The following NEDD4 variants were observed in gnomAD, a reference collection of about 807,000 sequenced individuals.
NEDD4 encodes E3 ubiquitin-protein ligase NEDD4.
NEDD4 carries 99 observed loss-of-function variants against 144.9 expected under a neutral mutation model. The observed-to-expected ratio is 0.68, with a 90% CI of 0.58 to 0.81. The LOEUF is 0.81. Ranked by LOEUF, NEDD4 falls within the 30% of genes least tolerant of loss-of-function variation. NEDD4 has a pLI of 0.00. For missense variants in NEDD4, 985 were observed against 1,065.9 expected, an observed-to-expected ratio of 0.92 and a Z score of 1.06; for synonymous variants, 318 against 350.6, an observed-to-expected ratio of 0.91 and a Z score of 1.04.
intron 4 of NEDD4, among the ~76,000 whole-genome samples, chr15:55,932,654 C>A (rs1439540168): frequency 4.6e-5 from 7 of 151,902 alleles, no homozygotes; most frequent in Non-Finnish European, 8.8e-5. Flanking sequence ...GCAACAAAAG[C>A]CAAAATTGAC....
intron 10 of NEDD4, 29 bp from the exon 11 acceptor site, chr15:55,860,603 C>T (rs749411472): frequency 1.9e-6 from 3 of 1,613,748 alleles, no homozygotes; most frequent in Non-Finnish European, 2.5e-6. Context: ...GCTTGAGCCA[C>T]ACATACTTTA....
At position 55,838,434 on chromosome 15, in the gene NEDD4, T is replaced by C; in HGVS notation, c.2127+75A>G. On this transcript the variant is annotated intron_variant, in intron 22 of 28. Transcript: ENST00000435532. ...TGTAAAAACAGAGCCTAGGAATGTA[T>C]TAAGTGTACGTATTAACATCTAAAC... 7 of 1,006,950 alleles carry C rather than the reference T, an allele frequency of 7.0e-6. No individual in the cohort carries two copies. In the East Asian group the frequency reaches 1.2e-4, roughly 17 times the overall value. The allele number at this position is 1,006,950 out of a possible 1,614,324, so 62.4% of individuals were successfully genotyped here.
chr15:55,902,489 A>G (rs1175832353), intron 5 of NEDD4, among the ~76,000 whole-genome samples: 3 of 152,168 alleles, frequency 2.0e-5, no homozygotes, highest in Non-Finnish European at 4.4e-5. Context: ...TATTTTTTAA[A>G]AAAGATTCTA....
chr15:55,848,301 C>T (rs567518485), intron 17 of NEDD4, 71 bp downstream of exon 17: 172 of 1,452,258 alleles, frequency 1.2e-4, no homozygotes, highest in South Asian at 1.8e-4. Flanking sequence ...GGGTTATGCC[C>T]GTGACTATCT....
chr15:55,977,024 C>T (rs2037713651), intron 1 of NEDD4, among the ~76,000 whole-genome samples: 1 of 152,174 alleles, frequency 6.6e-6, no homozygotes, highest in Non-Finnish European at 1.5e-5. Flanking sequence ...AATGATTCCA[C>T]TGGCAAGCAG....
intron 5 of NEDD4, chr15:55,917,115 C>A: frequency 8.7e-7 from 1 of 1,155,834 alleles, no homozygotes. Flanking sequence ...GACCTTTAAG[C>A]TGAGCTCAGC....
intron 1 of NEDD4, among the ~76,000 whole-genome samples, chr15:55,980,967 T>C (rs1243742077): frequency 6.6e-6 from 1 of 151,790 alleles, no homozygotes; most frequent in Non-Finnish European, 1.5e-5. Context: ...TAATACTGTA[T>C]TTATATAGGG....
At chr15:55,973,528 C>T (rs755612509) in intron 1 of NEDD4, among the ~76,000 whole-genome samples, 10 of 151,948 alleles carry the variant, frequency 6.6e-5, no homozygotes, top group Non-Finnish European at 1.2e-4. Context: ...AACAGAGTAG[C>T]CCTGTCTTGA....
intron 2 of NEDD4, among the ~76,000 whole-genome samples, chr15:55,955,153 C>T (rs769933397): frequency 1.7e-4 from 26 of 152,014 alleles, no homozygotes; most frequent in African/African-American, 3.1e-4. Flanking sequence ...TCCCAAGTAG[C>T]GGGGACTACA....
chr15:55,978,650 C>T (rs1447455600), intron 1 of NEDD4, among the ~76,000 whole-genome samples: 4 of 152,120 alleles, frequency 2.6e-5, no homozygotes, highest in African/African-American at 9.7e-5. Context: ...TTATACCAGA[C>T]CAGGGCTCTT....
At position 55,993,541 on chromosome 15, in the gene NEDD4, C is replaced by T. The variant is rs1263686369; in HGVS notation, c.15G>A (p.Ala5=). The T allele has an allele frequency of 1.3e-6, 2 of 1,596,862 alleles. No individual in the cohort carries two copies. The highest frequency in any genetic ancestry group is 1.7e-6 in the Non-Finnish European group (2 of 1,173,876). MATC[A]VEVFGLLEDE... ...CCTCCAGGAGCCCGAACACCTCCAC[C>T]GCGCAAGTTGCCATTTCCGAACGCT... The change falls in exon 1 of 29, where the codon GCG becomes GCA. Residue 5 remains alanine (A), a synonymous_variant. Coordinates refer to ENST00000435532, the MANE Select transcript of NEDD4 (RefSeq NM_006154.4).
At chr15:55,869,004 T>C (rs1192457665) in intron 8 of NEDD4, among the ~76,000 whole-genome samples, 1 of 152,162 alleles carries the variant, frequency 6.6e-6, no homozygotes, top group Non-Finnish European at 1.5e-5. Flanking sequence ...AAATACATAC[T>C]TTCTGCCTCC....
chr15:55,841,353 G>C (rs1334646807), intron 19 of NEDD4, among the ~76,000 whole-genome samples: 2 of 152,154 alleles, frequency 1.3e-5, no homozygotes, highest in Admixed American at 1.3e-4. Flanking sequence ...AAATGAGCTG[G>C]TCACAAAAAG....
At chr15:55,876,778 A>C (rs1252444670) in intron 5 of NEDD4, among the ~76,000 whole-genome samples, 3 of 152,180 alleles carry the variant, frequency 2.0e-5, no homozygotes, top group Non-Finnish European at 2.9e-5. Context: ...AAAATGCAAA[A>C]TCTAACCATA....
chr15:55,921,860 AAG>A (rs1272463225), intron 5 of NEDD4, among the ~76,000 whole-genome samples: 1 of 152,228 alleles, frequency 6.6e-6, no homozygotes, highest in African/African-American at 2.4e-5. Flanking sequence ...GCCATTAAGA[AAG>A]AGTCACGCAA....
chr15:55,983,508 T>C (rs913238168), intron 1 of NEDD4, among the ~76,000 whole-genome samples: 7 of 134,136 alleles, frequency 5.2e-5, no homozygotes, highest in African/African-American at 2.0e-4. Context: ...TGGGGTTCTA[T>C]TGCCCCACTC....
intron 5 of NEDD4, among the ~76,000 whole-genome samples, chr15:55,903,911 G>GGGCATGAGC (rs2035999547): frequency 6.7e-6 from 1 of 150,250 alleles, no homozygotes; most frequent in Admixed American, 6.7e-5. Context: ...GTGAATCCCA[G>GGGCATGAGC]CACTTTGTGA....
At chr15:55,931,264 T>C (rs1046455864) in intron 4 of NEDD4, among the ~76,000 whole-genome samples, 8 of 152,204 alleles carry the variant, frequency 5.3e-5, no homozygotes, top group African/African-American at 1.9e-4. Context: ...ATGCATGAGC[T>C]TTTTAATAAT....
chr15:55,856,680 G>A (rs997308372), intron 11 of NEDD4, among the ~76,000 whole-genome samples: 3 of 152,098 alleles, frequency 2.0e-5, no homozygotes, highest in South Asian at 2.1e-4. Context: ...TGACAACACA[G>A]AAAACAATGC....
Sources: gnomAD v4.1 joint callset for allele counts (sites outside exome capture counted in the v4.1 genomes callset) on GRCh38, gnomAD v4.1.1 for gene constraint, MANE v1.5 for transcripts, NCBI Gene and HGNC (gene_info 2026-07-23, HGNC 2026-07-21) for gene names.